ASIC2: variants seen among roughly 807,000 people sequenced by gnomAD.
ASIC2 encodes the protein acid sensing ion channel subunit 2.
Under a neutral mutation model 57.3 loss-of-function variants are expected in ASIC2, and 25 were observed. The observed-to-expected ratio is 0.44, with a 90% CI of 0.32 to 0.61. The LOEUF (loss-of-function observed/expected upper bound fraction) is 0.61. Ranked by LOEUF, ASIC2 falls within the 20% of genes least tolerant of loss-of-function variation. ASIC2 has a pLI of 0.06. For missense variants in ASIC2, 641 were observed against 738.1 expected (o/e 0.87, Z 1.52); for synonymous variants, 319 against 307.5 (o/e 1.04, Z -0.39).
At chr17:33,820,736 G>A (rs1912717961) in intron 1 of ASIC2, among the ~76,000 whole-genome samples, 1 of 152,126 alleles carries the variant, frequency 6.6e-6, no homozygotes, top group Non-Finnish European at 1.5e-5. Flanking sequence ...GATACAGGAT[G>A]TTGACATGTT....
At chr17:33,381,745 A>G (rs1597707040) in intron 1 of ASIC2, among the ~76,000 whole-genome samples, 1 of 152,222 alleles carries the variant, frequency 6.6e-6, no homozygotes, top group East Asian at 1.9e-4. Context: ...AAGGATATTA[A>G]AGCATAGGTC....
intron 1 of ASIC2, among the ~76,000 whole-genome samples, chr17:34,054,983 C>T (rs1192017547): frequency 6.6e-6 from 1 of 152,140 alleles, no homozygotes; most frequent in East Asian, 1.9e-4. Context: ...AAGAGAGGTC[C>T]ATCCAAAGAA....
At chr17:33,623,297 T>C (rs1027978014) in intron 1 of ASIC2, among the ~76,000 whole-genome samples, 1 of 152,004 alleles carries the variant, frequency 6.6e-6, no homozygotes, top group Non-Finnish European at 1.5e-5. Context: ...AGTCTCTCTC[T>C]GTCACCAGGT....
At chr17:33,856,852 G>T (rs1913970107) in intron 1 of ASIC2, among the ~76,000 whole-genome samples, 1 of 152,144 alleles carries the variant, frequency 6.6e-6, no homozygotes, top group South Asian at 2.1e-4. Context: ...TGGGACAGGG[G>T]TAGCTAGAAG....
At chr17:33,238,074 T>C (rs1006579897) in intron 1 of ASIC2, among the ~76,000 whole-genome samples, 4 of 152,192 alleles carry the variant, frequency 2.6e-5, no homozygotes, top group Non-Finnish European at 4.4e-5. Flanking sequence ...CACTCAGCAA[T>C]GTAATAAAGG....
At chr17:33,278,225 A>G (rs1181406574) in intron 1 of ASIC2, among the ~76,000 whole-genome samples, 1 of 148,180 alleles carries the variant, frequency 6.7e-6, no homozygotes, top group African/African-American at 2.5e-5. Flanking sequence ...CCTTCACAGC[A>G]TTTATTCATA....
At chr17:33,274,744 G>A (rs1904637077) in intron 1 of ASIC2, among the ~76,000 whole-genome samples, 1 of 152,196 alleles carries the variant, frequency 6.6e-6, no homozygotes, top group Non-Finnish European at 1.5e-5. Flanking sequence ...TGCAGCTAGA[G>A]TTGAAAAATC....
intron 1 of ASIC2, among the ~76,000 whole-genome samples, chr17:33,251,273 G>A (rs1355147855): frequency 3.9e-5 from 6 of 152,182 alleles, no homozygotes; most frequent in Non-Finnish European, 5.9e-5. Context: ...CAATAGGGCA[G>A]GAAAGAGTGA....
intron 1 of ASIC2, among the ~76,000 whole-genome samples, chr17:33,975,519 C>T (rs1466226119): frequency 1.3e-5 from 2 of 152,174 alleles, no homozygotes; most frequent in African/African-American, 4.8e-5. Context: ...GCTGACAAGT[C>T]TCAGTGGGCC....
At chr17:33,578,747 C>T in intron 1 of ASIC2, among the ~76,000 whole-genome samples, 1 of 152,084 alleles carries the variant, frequency 6.6e-6, no homozygotes, top group East Asian at 1.9e-4. Context: ...AATGGCTTTT[C>T]AATACAGCCC....
intron 1 of ASIC2, among the ~76,000 whole-genome samples, chr17:34,084,132 C>T (rs536544606): frequency 4.6e-5 from 7 of 151,826 alleles, no homozygotes; most frequent in Non-Finnish European, 1.0e-4. Flanking sequence ...CTGAGGTTTT[C>T]TTCTAGGGTT....
At chr17:33,318,350 C>G (rs1298799937) in intron 1 of ASIC2, among the ~76,000 whole-genome samples, 2 of 152,176 alleles carry the variant, frequency 1.3e-5, no homozygotes, top group Admixed American at 6.5e-5. Context: ...ACCACTGAGC[C>G]TGTCTTACCA....
chr17:33,934,795 C>A (rs1381651360), intron 1 of ASIC2, among the ~76,000 whole-genome samples: 1 of 152,216 alleles, frequency 6.6e-6, no homozygotes, highest in African/African-American at 2.4e-5. Flanking sequence ...CCCATACATG[C>A]AAACAGAGTC....
At chr17:33,932,127 G>A (rs1163382610) in intron 1 of ASIC2, among the ~76,000 whole-genome samples, 1 of 152,126 alleles carries the variant, frequency 6.6e-6, no homozygotes, top group Admixed American at 6.5e-5. Context: ...TCTGGAATGG[G>A]TTCTTTCTCC....
intron 1 of ASIC2, among the ~76,000 whole-genome samples, chr17:33,938,292 T>A (rs1916111849): frequency 1.3e-5 from 2 of 152,084 alleles, no homozygotes; most frequent in East Asian, 3.9e-4. Context: ...TCCCTCCTTA[T>A]CCACCTTCAA....
At chr17:33,490,059 A>G (rs1043625912) in intron 1 of ASIC2, among the ~76,000 whole-genome samples, 1 of 152,228 alleles carries the variant, frequency 6.6e-6, no homozygotes, top group African/African-American at 2.4e-5. Context: ...TGCTTTTATC[A>G]TTTAGAACAG....
At chr17:34,081,097 G>A (rs1212543672) in intron 1 of ASIC2, 1 of 152,160 alleles carries the variant, frequency 6.6e-6, no homozygotes, top group Non-Finnish European at 1.5e-5. Context: ...ACTTTCTGGA[G>A]TCAAGCTTCC....
At chr17:33,271,456 C>G (rs1904489421) in intron 1 of ASIC2, among the ~76,000 whole-genome samples, 1 of 149,126 alleles carries the variant, frequency 6.7e-6, no homozygotes, top group East Asian at 2.0e-4. Context: ...AGACCCCAAA[C>G]ATTGAATTCG....
In ASIC2 at chr17:33,154,243, G is replaced by A. The variant is rs112824561; in HGVS notation, c.709-42176C>T. Among the ~76,000 whole-genome samples, 123 of 152,262 alleles carry A rather than the reference G, an allele frequency of 8.1e-4. 1 individual carries two copies. Among genetic ancestry groups the A allele is most frequent in the African/African-American group, 2.6e-3 (109 of 41,550 alleles). ...GCTTGGGTGCAGTGGCTATTCACAGGTGTGATCATAGCTTACTGCAACCTC... is the reference window on the plus strand; with the variant it reads ...GCTTGGGTGCAGTGGCTATTCACAGATGTGATCATAGCTTACTGCAACCTC... On this transcript the variant is annotated intron_variant, in intron 1 of 9. Coordinates refer to ENST00000225823, the MANE Select transcript of ASIC2 (RefSeq NM_183377.2).
Sources: allele counts gnomAD v4.1 joint callset (sites outside exome capture counted in the v4.1 genomes callset), GRCh38; gene constraint gnomAD v4.1.1; transcripts MANE v1.5; gene names NCBI Gene and HGNC (gene_info 2026-07-23, HGNC 2026-07-21).